Variants in MOB1B observed in about 807,000 individuals in gnomAD.
MOB1B encodes the protein MOB kinase activator 1B.
MOB1B carries 19 observed loss-of-function variants against 24.4 expected under a neutral mutation model. That is an observed-to-expected ratio of 0.78 (90% CI 0.54 to 1.14). The LOEUF is 1.14. MOB1B is among the 50% of genes most tolerant of loss of function. MOB1B has a pLI of 0.00. For synonymous variants in MOB1B, 76 were observed against 82.1 expected, an observed-to-expected ratio of 0.93 and a Z score of 0.40; for missense variants, 243 against 259.6, an observed-to-expected ratio of 0.94 and a Z score of 0.44.
intron 2 of MOB1B, 106 bp downstream of exon 2, chr4:70,959,146 T>G: frequency 1.2e-6 from 1 of 838,040 alleles, no homozygotes; most frequent in African/African-American, 1.7e-5. Context: ...TAAGCTAATA[T>G]CATAAAAGAG....
At chr4:70,971,324 A>G (rs1738742724) in intron 3 of MOB1B, among the ~76,000 whole-genome samples, 1 of 152,032 alleles carries the variant, frequency 6.6e-6, no homozygotes, top group Admixed American at 6.6e-5. Context: ...TGGGCAACAT[A>G]GTGAATCTCG....
At chr4:70,915,954 T>C (rs1336416459) in intron 1 of MOB1B, among the ~76,000 whole-genome samples, 1 of 152,200 alleles carries the variant, frequency 6.6e-6, no homozygotes, top group African/African-American at 2.4e-5. Flanking sequence ...GATTAAAATA[T>C]TTAATGGGGG....
intron 1 of MOB1B, among the ~76,000 whole-genome samples, chr4:70,956,677 C>T (rs538301760): frequency 1.3e-5 from 2 of 152,264 alleles, no homozygotes; most frequent in South Asian, 2.1e-4. Context: ...GCCTCGACCT[C>T]CCAAAGTGCT....
At chr4:70,934,552 C>G (rs890871941) in intron 1 of MOB1B, among the ~76,000 whole-genome samples, 1 of 151,934 alleles carries the variant, frequency 6.6e-6, no homozygotes, top group Non-Finnish European at 1.5e-5. Flanking sequence ...CTTCCAGATT[C>G]AAGTGATTCT....
chr4:70,905,798 C>T (rs1735713755), intron 1 of MOB1B, among the ~76,000 whole-genome samples: 1 of 152,022 alleles, frequency 6.6e-6, no homozygotes, highest in African/African-American at 2.4e-5. Context: ...GGCACAGTGG[C>T]TCCTGCTTGT....
At chr4:70,926,090 A>T (rs1736641423) in intron 1 of MOB1B, among the ~76,000 whole-genome samples, 1 of 151,972 alleles carries the variant, frequency 6.6e-6, no homozygotes, top group Non-Finnish European at 1.5e-5. Flanking sequence ...TGGGCTCGTG[A>T]TTCTTCCACC....
chr4:70,968,601 G>A (rs1004012505), intron 2 of MOB1B, among the ~76,000 whole-genome samples: 22 of 151,882 alleles, frequency 1.4e-4, no homozygotes, highest in African/African-American at 4.8e-4. Context: ...GTGAGCCACC[G>A]CGCCCAGCCT....
intron 2 of MOB1B, among the ~76,000 whole-genome samples, chr4:70,969,344 T>C (rs1427809584): frequency 2.0e-5 from 3 of 152,146 alleles, no homozygotes; most frequent in Non-Finnish European, 4.4e-5. Context: ...TTTCCCAGGT[T>C]GGTCTTGAAT....
At chr4:70,914,867 C>T (rs1371378821) in intron 1 of MOB1B, among the ~76,000 whole-genome samples, 1 of 152,162 alleles carries the variant, frequency 6.6e-6, no homozygotes, top group Admixed American at 6.5e-5. Flanking sequence ...CTCCTTGGGG[C>T]TGTGTGGGCC....
Position 70,988,004 on chromosome 4 carries a change from T to A in MOB1B, c.*5947T>A, listed in dbSNP as rs1298822984. ...TTTTGTTTAAAAAGGGATACTGATG[T>A]CAGAAAATCTGTAATATGTTTTATT... On this transcript the variant is annotated 3_prime_UTR_variant, in exon 6 of 6. Transcript: ENST00000309395. 2 of 152,576 alleles carry A rather than the reference T, an allele frequency of 1.3e-5. No individual in the cohort carries two copies. Among genetic ancestry groups the A allele is most frequent in the East Asian group, 3.8e-4 (2 of 5,208 alleles). The allele number at this position is 152,576 out of a possible 1,614,324, so 9.5% of individuals were successfully genotyped here. A position where few individuals can be genotyped will look rare whatever the true frequency, so the allele number is the denominator to read the frequency against.
chr4:70,929,712 C>G (rs1165672623), intron 1 of MOB1B, among the ~76,000 whole-genome samples: 1 of 151,074 alleles, frequency 6.6e-6, no homozygotes, highest in Non-Finnish European at 1.5e-5. Flanking sequence ...GTGGCGCGAT[C>G]TTGGCTCACT....
intron 1 of MOB1B, among the ~76,000 whole-genome samples, chr4:70,946,865 A>C (rs192077646): frequency 6.6e-6 from 1 of 152,196 alleles, no homozygotes; most frequent in African/African-American, 2.4e-5. Flanking sequence ...AAGTGGTTAC[A>C]TTCTTGTGAG....
intron 1 of MOB1B, among the ~76,000 whole-genome samples, chr4:70,937,020 T>G (rs1737110603): frequency 6.6e-6 from 1 of 151,716 alleles, no homozygotes; most frequent in Non-Finnish European, 1.5e-5. Context: ...AGGTTCAAGC[T>G]ATTCTCCTGC....
intron 2 of MOB1B, among the ~76,000 whole-genome samples, chr4:70,964,561 A>C (rs947428164): frequency 5.9e-5 from 9 of 152,220 alleles, no homozygotes; most frequent in African/African-American, 1.9e-4. Context: ...AAAAGGAAAA[A>C]TATTAAAAGT....
At chr4:70,955,565 G>A (rs906978652) in intron 1 of MOB1B, among the ~76,000 whole-genome samples, 4 of 149,624 alleles carry the variant, frequency 2.7e-5, no homozygotes, top group Non-Finnish European at 5.9e-5. Flanking sequence ...CCGCCTCCTG[G>A]GTTCAAGCGA....
At chr4:70,922,133 A>G (rs894119756) in intron 1 of MOB1B, among the ~76,000 whole-genome samples, 2 of 152,208 alleles carry the variant, frequency 1.3e-5, no homozygotes, top group Non-Finnish European at 2.9e-5. Context: ...ATCCTTAGTA[A>G]CCTAAAACTT....
At chr4:70,955,764 C>T (rs921434318) in intron 1 of MOB1B, among the ~76,000 whole-genome samples, 1 of 151,604 alleles carries the variant, frequency 6.6e-6, no homozygotes. Context: ...AGCCACTGCG[C>T]CCAGTGAAGT....
chr4:70,912,873 A>G (rs1466835669), intron 1 of MOB1B, among the ~76,000 whole-genome samples: 1 of 152,140 alleles, frequency 6.6e-6, no homozygotes, highest in Non-Finnish European at 1.5e-5. Context: ...GGATCCTCCC[A>G]TCTCAGCCTC....
intron 1 of MOB1B, among the ~76,000 whole-genome samples, chr4:70,923,337 CATGTCTCTG>C (rs1046020285): frequency 7.2e-5 from 11 of 152,144 alleles, no homozygotes; most frequent in Admixed American, 2.0e-4. Flanking sequence ...TAGTGTGTCA[CATGTCTCTG>C]ATGTCTCTGA....
Sources: allele counts gnomAD v4.1 joint callset (sites outside exome capture counted in the v4.1 genomes callset), GRCh38; gene constraint gnomAD v4.1.1; transcripts MANE v1.5; gene names NCBI Gene and HGNC (gene_info 2026-07-23, HGNC 2026-07-21).